GRIK1: variants seen among roughly 807,000 people sequenced by gnomAD.
The protein encoded by GRIK1 is glutamate ionotropic receptor kainate type subunit 1, also known as glutamate receptor ionotropic, kainate 1.
Under a neutral mutation model 105.7 loss-of-function variants are expected in GRIK1, and 69 were observed. The ratio of observed to expected loss-of-function variants is 0.65; its 90% confidence interval spans 0.54 to 0.80. The LOEUF is 0.80. Ranked by LOEUF, GRIK1 falls within the 30% of genes least tolerant of loss-of-function variation. The pLI is 0.00. For missense variants in GRIK1, 1,109 were observed against 1,167.3 expected (o/e 0.95, Z 0.73); for synonymous variants, 438 against 431.3 (o/e 1.02, Z -0.19).
chr21:29,740,816 G>C (rs1200667065), intron 1 of GRIK1, among the ~76,000 whole-genome samples: 1 of 152,182 alleles, frequency 6.6e-6, no homozygotes, highest in Non-Finnish European at 1.5e-5. Context: ...CATTATACCC[G>C]TGACAAGGCA....
chr21:29,688,312 A>C (rs2063522216), intron 3 of GRIK1, among the ~76,000 whole-genome samples: 1 of 152,226 alleles, frequency 6.6e-6, no homozygotes, highest in Non-Finnish European at 1.5e-5. Flanking sequence ...TGACTATATA[A>C]AATGGAACCA....
intron 7 of GRIK1, among the ~76,000 whole-genome samples, chr21:29,612,567 C>T (rs1275174578): frequency 1.3e-5 from 2 of 152,156 alleles, no homozygotes; most frequent in Non-Finnish European, 2.9e-5. Flanking sequence ...CATTTCTCAC[C>T]AACTCAAAAT....
intron 1 of GRIK1, among the ~76,000 whole-genome samples, chr21:29,838,313 A>G (rs1350853258): frequency 6.6e-6 from 1 of 152,182 alleles, no homozygotes; most frequent in Non-Finnish European, 1.5e-5. Flanking sequence ...ATTTTAAACT[A>G]TGAAGAGTAC....
chr21:29,713,558 C>T (rs2255787), intron 1 of GRIK1, among the ~76,000 whole-genome samples: 14,767 of 151,964 alleles, frequency 0.097, 1,139 homozygotes, highest in African/African-American at 0.2. Context: ...AAATGGGTAA[C>T]GGACCATAAA....
intron 1 of GRIK1, among the ~76,000 whole-genome samples, chr21:29,909,855 A>T (rs2070756923): frequency 6.6e-6 from 1 of 152,164 alleles, no homozygotes; most frequent in Non-Finnish European, 1.5e-5. Flanking sequence ...TTATTGAAAT[A>T]ATTACATGAC....
intron 1 of GRIK1, among the ~76,000 whole-genome samples, chr21:29,707,155 C>T (rs1173293258): frequency 4.6e-5 from 7 of 152,188 alleles, no homozygotes; most frequent in African/African-American, 7.2e-5. Flanking sequence ...TGAGCCACCG[C>T]GCCCGGGCTA....
chr21:29,742,713 C>G (rs1404456028), intron 1 of GRIK1, among the ~76,000 whole-genome samples: 1 of 152,186 alleles, frequency 6.6e-6, no homozygotes, highest in Non-Finnish European at 1.5e-5. Context: ...AAGAAATTTA[C>G]TCACGGTTTC....
chr21:29,585,587 C>T (rs919602344), intron 12 of GRIK1, among the ~76,000 whole-genome samples: 2 of 152,030 alleles, frequency 1.3e-5, no homozygotes, highest in African/African-American at 2.4e-5. Flanking sequence ...TCACTTTTGC[C>T]CTGCGAAATA....
At chr21:29,707,990 G>T (rs946098740) in intron 1 of GRIK1, among the ~76,000 whole-genome samples, 4 of 152,028 alleles carry the variant, frequency 2.6e-5, no homozygotes, top group Non-Finnish European at 5.9e-5. Flanking sequence ...GTTTTTACTT[G>T]GAGAGAGTAA....
At chr21:29,834,419 A>G (rs1340053249) in intron 1 of GRIK1, among the ~76,000 whole-genome samples, 1 of 151,056 alleles carries the variant, frequency 6.6e-6, no homozygotes, top group Non-Finnish European at 1.5e-5. Flanking sequence ...ACTATAACCC[A>G]TTACCACTAC....
intron 1 of GRIK1, among the ~76,000 whole-genome samples, chr21:29,915,050 C>T (rs2070946599): frequency 6.6e-6 from 1 of 151,888 alleles, no homozygotes; most frequent in Non-Finnish European, 1.5e-5. Flanking sequence ...GTGATGCACC[C>T]AAAAGTATCA....
rs187617674 is a variant in GRIK1 at position 29,866,902 on chromosome 21, C to T, written c.118+72481G>A. ...CAAACAAAGTACACTTGAATATCTA[C>T]GTGGCCTTTTGAGTCCTGCACTCAG... is the stretch of plus-strand genomic sequence containing the variant. On this transcript the variant is annotated intron_variant, in intron 1 of 17. Transcript: ENST00000327783. 4.5e-3 allele frequency among the ~76,000 whole-genome samples: 692 copies of T among 152,268 alleles called. 3 individuals carry two copies. The highest frequency in any genetic ancestry group is 0.012 in the South Asian group (60 of 4,812).
intron 7 of GRIK1, chr21:29,601,357 G>A (rs1343355577): frequency 5.6e-6 from 2 of 358,604 alleles, no homozygotes; most frequent in Non-Finnish European, 1.2e-5. Context: ...GTTTGCAGAT[G>A]GTAGAATGTG....
intron 1 of GRIK1, among the ~76,000 whole-genome samples, chr21:29,905,144 T>C (rs1182173863): frequency 6.6e-6 from 1 of 152,158 alleles, no homozygotes; most frequent in Non-Finnish European, 1.5e-5. Context: ...CTCAGAGCAA[T>C]TTAGAAACAT....
chr21:29,697,928 C>CTCTTTCTTTCTTTCTT (rs139206707), intron 1 of GRIK1, among the ~76,000 whole-genome samples: 8 of 145,864 alleles, frequency 5.5e-5, no homozygotes, highest in Non-Finnish European at 1.0e-4. Context: ...CTCTCTCTCT[C>CTCTTTCTTTCTTTCTT]TCTTTCTTTC....
intron 7 of GRIK1, among the ~76,000 whole-genome samples, chr21:29,603,353 C>T (rs571699961): frequency 1.4e-4 from 21 of 151,856 alleles, no homozygotes; most frequent in Non-Finnish European, 2.6e-4. Flanking sequence ...AAAAGAAATA[C>T]TTCTTCAGAT....
chr21:29,568,997 G>T (rs904622087), intron 14 of GRIK1, among the ~76,000 whole-genome samples: 1 of 152,192 alleles, frequency 6.6e-6, no homozygotes, highest in Non-Finnish European at 1.5e-5. Context: ...TCTGGTAAGT[G>T]CTTCGGCATA....
Position 29,683,522 on chromosome 21 carries a change from G to T in GRIK1, c.544+6206C>A, listed in dbSNP as rs114102328. Among the ~76,000 whole-genome samples the T allele has an allele frequency of 5.1e-3, 783 of 152,292 alleles. 8 individuals are homozygous for T. Among genetic ancestry groups the T allele is most frequent in the African/African-American group, 0.018 (751 of 41,566 alleles). ...CGTTATCCTAAGTGAATTAACACAG[G>T]AACAGAAAACCAAATACCCATGATC... On this transcript the variant is annotated intron_variant, in intron 3 of 17. Transcript: ENST00000327783.
intron 1 of GRIK1, among the ~76,000 whole-genome samples, chr21:29,810,344 C>A (rs1435958368): frequency 6.6e-6 from 1 of 151,102 alleles, no homozygotes; most frequent in Non-Finnish European, 1.5e-5. Context: ...ATCACCGTAA[C>A]AAACTGAAAT....
Sources: gnomAD v4.1 joint callset for allele counts (sites outside exome capture counted in the v4.1 genomes callset) on GRCh38, gnomAD v4.1.1 for gene constraint, MANE v1.5 for transcripts, NCBI Gene and HGNC (gene_info 2026-07-23, HGNC 2026-07-21) for gene names.